CDC20B: variants seen among roughly 807,000 people sequenced by gnomAD.
The protein encoded by CDC20B is cell division cycle 20B.
CDC20B carries 58 observed loss-of-function variants against 64.1 expected under a neutral mutation model. The observed-to-expected ratio is 0.90, with a 90% CI of 0.73 to 1.13. The LOEUF (loss-of-function observed/expected upper bound fraction) is 1.13, where lower values mean the gene tolerates loss of function less well. Among genes scored for constraint, CDC20B ranks in the 50% most tolerant of loss-of-function variants. CDC20B has a pLI of 0.00. For synonymous variants in CDC20B, 243 were observed against 230.6 expected (o/e 1.05, Z -0.49); for missense variants, 597 against 633.0 (o/e 0.94, Z 0.61).
intron 9 of CDC20B, among the ~76,000 whole-genome samples, chr5:55,122,810 C>G (rs1038022726): frequency 6.6e-6 from 1 of 152,160 alleles, no homozygotes; most frequent in African/African-American, 2.4e-5. Context: ...AGGAGCATGC[C>G]CAGGCAGCTG....
intron 7 of CDC20B, among the ~76,000 whole-genome samples, chr5:55,128,095 G>A (rs1441967615): frequency 6.6e-6 from 1 of 152,042 alleles, no homozygotes; most frequent in African/African-American, 2.4e-5. Flanking sequence ...CACGGCTTCA[G>A]GTGAAAAGGA....
intron 2 of CDC20B, among the ~76,000 whole-genome samples, chr5:55,155,720 C>G (rs1743788771): frequency 6.6e-6 from 1 of 152,132 alleles, no homozygotes; most frequent in Non-Finnish European, 1.5e-5. Context: ...CAGCTGCCCG[C>G]AGGGTCTACA....
intron 5 of CDC20B, among the ~76,000 whole-genome samples, chr5:55,135,260 AAGAG>A (rs1038256229): frequency 3.3e-5 from 5 of 151,958 alleles, no homozygotes; most frequent in African/African-American, 1.2e-4. Flanking sequence ...CAGAGAGAGA[AAGAG>A]AGAGGGAGAG....
intron 2 of CDC20B, chr5:55,165,837 G>A (rs1447502262): frequency 1.3e-5 from 2 of 152,196 alleles, no homozygotes; most frequent in Non-Finnish European, 2.9e-5. Context: ...AACAGGGGTT[G>A]AATGGAATAA....
Position 55,140,359 on chromosome 5 carries a change from T to C in CDC20B, c.535A>G (p.Asn179Asp). 2 of 1,613,652 alleles carry C rather than the reference T, an allele frequency of 1.2e-6. No homozygotes were observed. The highest frequency in any genetic ancestry group is 1.7e-4 in the Middle Eastern group (1 of 6,056). The stretch of plus-strand genomic sequence containing the variant: ...TGCTCACAGAGCTGCATTTTTCCAT[T>C]AGCCTGCTGAACCACGTTCTGGGTT... Reference protein sequence around the residue: ...FVTQNVVQQANGKMQLCEQSE... With the variant: ...FVTQNVVQQADGKMQLCEQSE... Residue 179 changes from asparagine (N) to aspartate (D), a missense_variant, in exon 5 of 12, where the codon AAT becomes GAT. By Grantham distance (23) the Asn-to-Asp change is conservative. Around this residue, in one of 3 missense-constraint regions of CDC20B, gnomAD observed 241 missense variants for 219.2 expected, o/e 1.10. Transcript: ENST00000381375.
At chr5:55,122,422 CCA>C in intron 9 of CDC20B, among the ~76,000 whole-genome samples, 1 of 152,212 alleles carries the variant, frequency 6.6e-6, no homozygotes, top group Admixed American at 6.5e-5. Flanking sequence ...CAGGCATGAG[CCA>C]CTGCACCTGG....
intron 2 of CDC20B, 53 bp downstream of exon 2, chr5:55,172,535 G>T: frequency 2.2e-6 from 3 of 1,354,486 alleles, no homozygotes; most frequent in Non-Finnish European, 3.2e-6. Context: ...CCAAGAATTC[G>T]TTTGTTCAAG....
intron 5 of CDC20B, chr5:55,137,234 G>T (rs1202670127): frequency 6.6e-5 from 15 of 228,982 alleles, no homozygotes; most frequent in Non-Finnish European, 1.2e-4. Flanking sequence ...GCATGGAACA[G>T]GACCTTCTAG....
At chr5:55,143,213 G>A (rs1171295425) in intron 4 of CDC20B, among the ~76,000 whole-genome samples, 4 of 152,120 alleles carry the variant, frequency 2.6e-5, no homozygotes, top group African/African-American at 9.7e-5. Context: ...GAAGCATACC[G>A]TAATAAGTAT....
At chr5:55,125,464 GAAAT>G (rs983304498) in intron 8 of CDC20B, among the ~76,000 whole-genome samples, 2 of 152,126 alleles carry the variant, frequency 1.3e-5, no homozygotes, top group Admixed American at 1.3e-4. Context: ...ATAGAAAAAG[GAAAT>G]AAATATCTAA....
intron 2 of CDC20B, among the ~76,000 whole-genome samples, chr5:55,148,252 T>A (rs1035072798): frequency 2.6e-5 from 4 of 152,156 alleles, no homozygotes; most frequent in African/African-American, 9.7e-5. Context: ...TTAGCAATAA[T>A]TTTTTTGTGA....
intron 11 of CDC20B, among the ~76,000 whole-genome samples, chr5:55,119,486 C>T (rs761510358): frequency 7.9e-5 from 12 of 152,082 alleles, no homozygotes; most frequent in African/African-American, 2.7e-4. Flanking sequence ...CATTCTACAC[C>T]GCTGGTTTTT....
chr5:55,152,409 C>T (rs1361347210), intron 2 of CDC20B, among the ~76,000 whole-genome samples: 3 of 152,210 alleles, frequency 2.0e-5, no homozygotes. Flanking sequence ...GTGCCAAGCC[C>T]TGGGATATAT....
At chr5:55,158,074 G>A (rs2111922130) in intron 2 of CDC20B, among the ~76,000 whole-genome samples, 1 of 152,228 alleles carries the variant, frequency 6.6e-6, no homozygotes, top group Non-Finnish European at 1.5e-5. Flanking sequence ...ACCAAAAAAA[G>A]TTTGAGGTCT....
intron 2 of CDC20B, chr5:55,172,285 G>A (rs975320466): frequency 5.1e-5 from 16 of 311,390 alleles, no homozygotes; most frequent in South Asian, 2.3e-4. Context: ...ACAGAGAGGA[G>A]TGCAACTAGC....
intron 2 of CDC20B, chr5:55,160,216 G>C: frequency 6.2e-7 from 1 of 1,613,938 alleles, no homozygotes; most frequent in South Asian, 1.1e-5. Flanking sequence ...CAGCTTACCC[G>C]CTAAAATGTT....
chr5:55,155,378 G>A (rs112505464), intron 2 of CDC20B, among the ~76,000 whole-genome samples: 29 of 152,262 alleles, frequency 1.9e-4, no homozygotes, highest in African/African-American at 7.0e-4. Context: ...TCCCAGAAAA[G>A]ACCTGCTGGC....
chr5:55,172,695 A>G, intron 1 of CDC20B, 45 bp from the exon 2 acceptor site: 1 of 1,440,570 alleles, frequency 6.9e-7, no homozygotes, highest in Non-Finnish European at 9.7e-7. Context: ...CTATTTAGGA[A>G]AATCATAATT....
intron 2 of CDC20B, chr5:55,160,989 G>T (rs1179192655): frequency 6.3e-7 from 1 of 1,581,326 alleles, no homozygotes; most frequent in Non-Finnish European, 8.6e-7. Context: ...TTCTTTTTCC[G>T]GGAGGTTTCA....
Sources: allele counts gnomAD v4.1 joint callset (sites outside exome capture counted in the v4.1 genomes callset), GRCh38; gene constraint gnomAD v4.1.1; regional missense constraint gnomAD v4.1.1; transcripts MANE v1.5; gene names NCBI Gene and HGNC (gene_info 2026-07-23, HGNC 2026-07-21).